SOX5: variants seen among roughly 807,000 people sequenced by gnomAD.
SOX5 encodes transcription factor SOX-5.
In SOX5, 9 loss-of-function variants were observed where a neutral mutation model predicts 92.0. The ratio of observed to expected loss-of-function variants is 0.10; its 90% confidence interval spans 0.06 to 0.17. The LOEUF is 0.17. Among genes scored for constraint, SOX5 ranks in the 10% least tolerant of loss-of-function variants. The probability of loss-of-function intolerance (pLI) is 1.00; values close to 1 mark genes in which losing one functional copy is unlikely to be tolerated. For missense variants in SOX5, 642 were observed against 944.5 expected, an observed-to-expected ratio of 0.68 and a Z score of 4.20; for synonymous variants, 344 against 336.3, an observed-to-expected ratio of 1.02 and a Z score of -0.25.
chr12:24,207,447 G>T (rs1438727810), intron 4 of SOX5, among the ~76,000 whole-genome samples: 1 of 152,120 alleles, frequency 6.6e-6, no homozygotes, highest in Non-Finnish European at 1.5e-5. Context: ...GTAAGACTCA[G>T]TAAGAATATA....
intron 3 of SOX5, among the ~76,000 whole-genome samples, chr12:24,221,322 C>T (rs1960369754): frequency 1.3e-5 from 2 of 152,130 alleles, no homozygotes; most frequent in Admixed American, 1.3e-4. Flanking sequence ...ATAGCACTTG[C>T]CATCTCTAAA....
At chr12:24,344,146 G>T (rs1380261078) in intron 2 of SOX5, among the ~76,000 whole-genome samples, 4 of 151,854 alleles carry the variant, frequency 2.6e-5, no homozygotes, top group Non-Finnish European at 5.9e-5. Context: ...AGTTGGGCGT[G>T]GTGGGACATG....
At chr12:23,601,214 GC>G (rs2074454457) in intron 9 of SOX5, among the ~76,000 whole-genome samples, 1 of 152,060 alleles carries the variant, frequency 6.6e-6, no homozygotes, top group Admixed American at 6.6e-5. Flanking sequence ...GTCTTTTGGA[GC>G]CCCCTCCTTT....
chr12:24,167,168 A>C (rs951077307), intron 4 of SOX5, among the ~76,000 whole-genome samples: 1 of 152,226 alleles, frequency 6.6e-6, no homozygotes, highest in African/African-American at 2.4e-5. Flanking sequence ...TTATTTCCCA[A>C]ATGACATTCT....
intron 3 of SOX5, among the ~76,000 whole-genome samples, chr12:24,241,346 C>T (rs1345953227): frequency 6.6e-6 from 1 of 152,142 alleles, no homozygotes. Context: ...ACAAAAGCCT[C>T]TTTGTTTCTA....
At chr12:23,569,351 G>A (rs905529561) in intron 10 of SOX5, among the ~76,000 whole-genome samples, 2 of 152,136 alleles carry the variant, frequency 1.3e-5, no homozygotes, top group Non-Finnish European at 2.9e-5. Context: ...ATAATTCCAT[G>A]TATAAGTGTA....
At chr12:23,619,542 G>A (rs1022445712) in intron 8 of SOX5, among the ~76,000 whole-genome samples, 2 of 152,056 alleles carry the variant, frequency 1.3e-5, no homozygotes, top group Non-Finnish European at 2.9e-5. Flanking sequence ...CTATTTTCTG[G>A]TCATTTTAAT....
At chr12:24,389,762 T>C (rs930027197) in intron 1 of SOX5, among the ~76,000 whole-genome samples, 2 of 152,222 alleles carry the variant, frequency 1.3e-5, no homozygotes, top group African/African-American at 4.8e-5. Flanking sequence ...CTAGATCATA[T>C]GGTAACTCAT....
rs1249331115 is a variant in SOX5, at chr12:23,755,642, T to C, written c.564A>G (p.Ile188Met). The C allele has an allele frequency of 6.3e-7, 1 of 1,589,936 alleles. No individual in the cohort carries two copies. The highest frequency in any genetic ancestry group is 8.6e-7 in the Non-Finnish European group (1 of 1,168,760). Residue 188 changes from isoleucine to methionine, a missense_variant, in exon 4 of 15, where the codon ATA becomes ATG. Ile to Met is a conservative substitution (Grantham distance 10, BLOSUM62 1). This residue lies in a region of SOX5 where 324 missense variants were observed against 461.6 expected (regional missense o/e 0.70). Transcript: ENST00000451604. ...AAAACAATCACACCATATTACCTTT[T>C]ATTTCGCCAAAGTTCCCCGATCCCA... Reference protein sequence around the residue: ...LAMGSGNFGEIKGTPESLAEK... With the variant: ...LAMGSGNFGEMKGTPESLAEK...
chr12:24,136,168 C>T (rs1249469003), intron 4 of SOX5, among the ~76,000 whole-genome samples: 5 of 152,168 alleles, frequency 3.3e-5, no homozygotes, highest in African/African-American at 1.2e-4. Flanking sequence ...TGATGACAGA[C>T]AGGACACGTG....
chr12:23,939,492 T>TA (rs888868186), intron 1 of SOX5, among the ~76,000 whole-genome samples: 22 of 150,798 alleles, frequency 1.5e-4, no homozygotes, highest in African/African-American at 4.4e-4. Context: ...AATTATTCTG[T>TA]AAAAAAAATT....
At chr12:24,195,367 G>A (rs1956912307) in intron 4 of SOX5, among the ~76,000 whole-genome samples, 1 of 152,104 alleles carries the variant, frequency 6.6e-6, no homozygotes. Flanking sequence ...ACATACAAAA[G>A]AGTCACAATT....
chr12:24,394,408 C>T (rs921206973), intron 1 of SOX5, among the ~76,000 whole-genome samples: 1 of 152,092 alleles, frequency 6.6e-6, no homozygotes, highest in East Asian at 1.9e-4. Context: ...TCTGCAGGAG[C>T]CCGGCCGCCA....
At chr12:23,714,575 C>G (rs554912011) in intron 6 of SOX5, among the ~76,000 whole-genome samples, 60 of 152,076 alleles carry the variant, frequency 3.9e-4, no homozygotes, top group African/African-American at 1.4e-3. Context: ...GAGCCGAGAT[C>G]GCGCCACTGT....
intron 3 of SOX5, among the ~76,000 whole-genome samples, chr12:23,823,381 T>C (rs1201688097): frequency 2.0e-5 from 3 of 152,214 alleles, no homozygotes; most frequent in Admixed American, 2.0e-4. Flanking sequence ...TAAAGCTTAG[T>C]TTGGCTGGAT....
chr12:24,423,341 A>G (rs1032458832), intron 1 of SOX5, among the ~76,000 whole-genome samples: 4 of 152,234 alleles, frequency 2.6e-5, no homozygotes, highest in African/African-American at 9.6e-5. Flanking sequence ...CCTTGGAACC[A>G]AAAGTACTTA....
At chr12:24,239,353 C>A (rs938673604) in intron 3 of SOX5, among the ~76,000 whole-genome samples, 5 of 152,182 alleles carry the variant, frequency 3.3e-5, no homozygotes, top group African/African-American at 1.2e-4. Flanking sequence ...TAAAGTAGAA[C>A]TGCATGCCAC....
At chr12:24,216,889 C>T (rs1959194516) in intron 3 of SOX5, among the ~76,000 whole-genome samples, 1 of 152,202 alleles carries the variant, frequency 6.6e-6, no homozygotes, top group Admixed American at 6.5e-5. Context: ...GATCACACCA[C>T]TGCACTCCGG....
intron 4 of SOX5, among the ~76,000 whole-genome samples, chr12:23,744,714 T>G (rs1338752388): frequency 6.6e-6 from 1 of 152,192 alleles, no homozygotes; most frequent in South Asian, 2.1e-4. Context: ...TATTATTTTT[T>G]TGTGTGTCTT....
Sources: allele counts gnomAD v4.1 joint callset (sites outside exome capture counted in the v4.1 genomes callset), GRCh38; gene constraint gnomAD v4.1.1; regional missense constraint gnomAD v4.1.1; transcripts MANE v1.5; gene names NCBI Gene and HGNC (gene_info 2026-07-23, HGNC 2026-07-21).